Variants in ASAP1 observed in about 807,000 individuals in gnomAD.
ASAP1 encodes the protein arf-GAP with SH3 domain, ANK repeat and PH domain-containing protein 1.
Under a neutral mutation model 145.2 loss-of-function variants are expected in ASAP1, and 43 were observed. The observed-to-expected ratio is 0.30, with a 90% confidence interval of 0.23 to 0.38. ASAP1 has a LOEUF of 0.38. Ranked by LOEUF, ASAP1 falls within the 10% of genes least tolerant of loss-of-function variation. The pLI is 1.00. For missense variants in ASAP1, 1,018 were observed against 1,355.3 expected, an observed-to-expected ratio of 0.75 and a Z score of 3.91; for synonymous variants, 546 against 515.5, an observed-to-expected ratio of 1.06 and a Z score of -0.80.
intron 18 of ASAP1, among the ~76,000 whole-genome samples, chr8:130,122,642 G>C (rs1321623393): frequency 6.6e-6 from 1 of 152,196 alleles, no homozygotes; most frequent in African/African-American, 2.4e-5. Context: ...ACTTGTCCAA[G>C]GTCACATAGT....
At chr8:130,081,607 C>T (rs2097480674) in intron 25 of ASAP1, among the ~76,000 whole-genome samples, 1 of 152,056 alleles carries the variant, frequency 6.6e-6, no homozygotes, top group Non-Finnish European at 1.5e-5. Context: ...ACTAACTGAT[C>T]CTCACTACAC....
chr8:130,188,243 A>G, intron 5 of ASAP1, 60 bp from the exon 6 acceptor site: 1 of 1,317,854 alleles, frequency 7.6e-7, no homozygotes, highest in Non-Finnish European at 1.1e-6. Flanking sequence ...TGAACAATAA[A>G]ACCAGCTACT....
At chr8:130,099,358 T>A (rs2097524633) in intron 24 of ASAP1, among the ~76,000 whole-genome samples, 2 of 152,004 alleles carry the variant, frequency 1.3e-5, no homozygotes, top group South Asian at 4.1e-4. Context: ...TTTTTTGTAT[T>A]TTTAGTAGAG....
intron 3 of ASAP1, among the ~76,000 whole-genome samples, chr8:130,353,908 A>G (rs1826148819): frequency 6.6e-6 from 1 of 150,808 alleles, no homozygotes; most frequent in Admixed American, 6.6e-5. Context: ...TTTTTTTGAG[A>G]CGGAGTCTTG....
intron 26 of ASAP1, among the ~76,000 whole-genome samples, chr8:130,079,339 AT>A (rs747678702): frequency 5.3e-5 from 8 of 152,172 alleles, no homozygotes; most frequent in Non-Finnish European, 8.8e-5. Flanking sequence ...GTAAGGCTGG[AT>A]AAAAACTGCC....
chr8:130,201,536 A>G (rs1006030577), intron 5 of ASAP1, among the ~76,000 whole-genome samples: 1 of 152,234 alleles, frequency 6.6e-6, no homozygotes, highest in Admixed American at 6.5e-5. Context: ...TCCTACATCA[A>G]GTGAAAATGA....
At chr8:130,388,309 T>C (rs1828118622) in intron 2 of ASAP1, among the ~76,000 whole-genome samples, 1 of 152,126 alleles carries the variant, frequency 6.6e-6, no homozygotes, top group African/African-American at 2.4e-5. Flanking sequence ...CGGTAAGAAA[T>C]CTGAATTTCA....
At chr8:130,148,913 C>T (rs566832009) in intron 13 of ASAP1, among the ~76,000 whole-genome samples, 42 of 152,026 alleles carry the variant, frequency 2.8e-4, no homozygotes, top group East Asian at 1.5e-3. Flanking sequence ...TGGCTCACTG[C>T]GGCCTCTGCC....
chr8:130,288,991 C>A (rs1821784341), intron 3 of ASAP1, among the ~76,000 whole-genome samples: 1 of 152,068 alleles, frequency 6.6e-6, no homozygotes. Flanking sequence ...CCGAGACCAC[C>A]CTGGCTAACA....
At chr8:130,155,826 A>G (rs2097657339) in intron 12 of ASAP1, among the ~76,000 whole-genome samples, 4 of 152,244 alleles carry the variant, frequency 2.6e-5, no homozygotes, top group Admixed American at 2.6e-4. Flanking sequence ...AGAGAGTGCC[A>G]CACACGATTA....
chr8:130,358,419 C>T lies in ASAP1; in HGVS notation c.60-276G>A, dbSNP rs551353535. 6.2e-3 allele frequency among the ~76,000 whole-genome samples: 925 copies of T among 148,424 alleles called. 7 individuals are homozygous for T. The highest frequency in any genetic ancestry group is 0.022 in the African/African-American group (895 of 41,064). ...GCTCTCCGGGACCCGCCTCCCTCTG[C>T]TCATGCCGGCGGCGGCAGCTCCTCA... On this transcript the variant is annotated intron_variant, in intron 2 of 29. Transcript: ENST00000518721. The surrounding 1 kb of genome is among the most constrained non-coding windows in gnomAD (Gnocchi z 4.1).
At chr8:130,385,268 C>T (rs1203647847) in intron 2 of ASAP1, among the ~76,000 whole-genome samples, 2 of 152,310 alleles carry the variant, frequency 1.3e-5, no homozygotes, top group Admixed American at 6.5e-5. Context: ...GAGTTCCAGA[C>T]CAGCCTGGCC....
intron 3 of ASAP1, among the ~76,000 whole-genome samples, chr8:130,290,842 C>T (rs964085194): frequency 3.9e-5 from 6 of 152,174 alleles, no homozygotes; most frequent in Non-Finnish European, 8.8e-5. Context: ...CACAGACTTT[C>T]CCCTCCTTGC....
chr8:130,179,441 G>C, intron 8 of ASAP1, 92 bp from the exon 9 acceptor site: 1 of 732,586 alleles, frequency 1.4e-6, no homozygotes, highest in Non-Finnish European at 2.4e-6. Flanking sequence ...CCCTGAATCT[G>C]CACAAGTTAC....
intron 28 of ASAP1, among the ~76,000 whole-genome samples, chr8:130,060,075 CAAAAAAAAAAAAA>C (rs55875346): frequency 0.094 from 9,057 of 96,006 alleles, 466 homozygotes; most frequent in Middle Eastern, 0.18. Flanking sequence ...GAGCCCTTCT[CAAAAAAAAAAAAA>C]AAAAAAAAAA....
At chr8:130,140,820 C>T (rs1288979772) in intron 13 of ASAP1, among the ~76,000 whole-genome samples, 2 of 152,166 alleles carry the variant, frequency 1.3e-5, no homozygotes, top group South Asian at 4.1e-4. Context: ...GCCAAGTACG[C>T]ATAAGTTTTG....
intron 3 of ASAP1, among the ~76,000 whole-genome samples, chr8:130,330,339 G>A (rs747405725): frequency 1.2e-4 from 18 of 152,232 alleles, no homozygotes; most frequent in Admixed American, 9.2e-4. Flanking sequence ...GTCCAGGTCC[G>A]AAAGGACCCT....
rs2097538299 is a variant in ASAP1 at position 130,107,180 on chromosome 8, CTTCTTTTTTT to C, written c.2401+4904_2401+4913del. 4.4e-5 allele frequency among the ~76,000 whole-genome samples: 5 copies of C among 113,872 alleles called. No individual in the cohort carries two copies. The South Asian group carries it at 1.7e-3, about 38-fold the overall frequency. The allele number at this position is 113,872 out of a possible 152,430, so 74.7% of individuals were successfully genotyped here. A position where few individuals can be genotyped will look rare whatever the true frequency, so the allele number is the denominator to read the frequency against. On this transcript the variant is annotated intron_variant, in intron 24 of 29. Transcript: ENST00000518721. The stretch of plus-strand genomic sequence containing the variant: ...GAAGAACTATAGTCTCTCTCTTCTT[CTTCTTTTTTT>C]TTTTTTTTTTGAGACGGAGTCTCAC...
chr8:130,372,643 A>G (rs78264967), intron 2 of ASAP1, among the ~76,000 whole-genome samples: 9,167 of 152,320 alleles, frequency 0.06, 354 homozygotes, highest in Non-Finnish European at 0.081. Flanking sequence ...TGCAGGAAGA[A>G]AAGATTTTTC....
Sources: gnomAD v4.1 joint callset for allele counts (sites outside exome capture counted in the v4.1 genomes callset) on GRCh38, gnomAD v4.1.1 for gene constraint, Gnocchi (gnomAD v3.1) non-coding constraint, MANE v1.5 for transcripts, NCBI Gene and HGNC (gene_info 2026-07-23, HGNC 2026-07-21) for gene names.